The following PRIMA1 variants were observed in gnomAD, a reference collection of about 807,000 sequenced individuals.
PRIMA1 encodes proline rich membrane anchor 1.
In PRIMA1, 7 loss-of-function variants were observed where a neutral mutation model predicts 17.5. The observed-to-expected ratio is 0.40, with a 90% CI of 0.23 to 0.75. The LOEUF (loss-of-function observed/expected upper bound fraction) is 0.75, where lower values mean the gene tolerates loss of function less well. PRIMA1 is among the 30% of genes least tolerant of loss of function. The pLI, the probability that PRIMA1 is intolerant of heterozygous loss-of-function variation, is 0.37. For synonymous variants in PRIMA1, 97 were observed against 77.9 expected (o/e 1.25, Z -1.29); for missense variants, 200 against 201.8 (o/e 0.99, Z 0.05).
rs79799003 is a variant in PRIMA1 at position 93,731,107 on chromosome 14, A to T, written c.359+6134T>A. Reference sequence around the variant, plus strand: ...AGGAAAGGAAACAGCATAGTACGCTATGTGGCTCAGCTATGCACAATATGT... The same window carrying T: ...AGGAAAGGAAACAGCATAGTACGCTTTGTGGCTCAGCTATGCACAATATGT... On this transcript the variant is annotated intron_variant, in intron 4 of 4. Coordinates refer to ENST00000393140, the MANE Select transcript of PRIMA1 (RefSeq NM_178013.4). Among the ~76,000 whole-genome samples the T allele has an allele frequency of 4.2e-3, 614 of 146,980 alleles. 2 individuals are homozygous for T. The highest frequency in any genetic ancestry group is 7.2e-3 in the Non-Finnish European group (476 of 65,818).
At chr14:93,735,318 G>T (rs2141159474) in intron 4 of PRIMA1, among the ~76,000 whole-genome samples, 1 of 152,336 alleles carries the variant, frequency 6.6e-6, no homozygotes, top group African/African-American at 2.4e-5. Context: ...TCCCCAGTCA[G>T]GCTCACGGCT....
intron 4 of PRIMA1, among the ~76,000 whole-genome samples, chr14:93,724,559 C>T (rs749007847): frequency 1.3e-5 from 2 of 152,166 alleles, no homozygotes; most frequent in Non-Finnish European, 2.9e-5. Flanking sequence ...CTTCTGACTC[C>T]ATGAAATCTG....
chr14:93,782,718 C>A (rs1049899834), intron 2 of PRIMA1, among the ~76,000 whole-genome samples: 1 of 152,248 alleles, frequency 6.6e-6, no homozygotes, highest in African/African-American at 2.4e-5. Context: ...ACTGTTCTCA[C>A]AAAAGGATCA....
At chr14:93,724,955 G>A (rs897056816) in intron 4 of PRIMA1, among the ~76,000 whole-genome samples, 4 of 152,160 alleles carry the variant, frequency 2.6e-5, no homozygotes, top group Non-Finnish European at 5.9e-5. Flanking sequence ...AGGTGAGGCG[G>A]TCAGTAGGAT....
At chr14:93,737,679 C>A (rs2076159833) in intron 3 of PRIMA1, among the ~76,000 whole-genome samples, 1 of 152,234 alleles carries the variant, frequency 6.6e-6, no homozygotes, top group Non-Finnish European at 1.5e-5. Context: ...CATCCATCAC[C>A]TGGCTGAAGG....
intron 3 of PRIMA1, among the ~76,000 whole-genome samples, chr14:93,747,938 AGTGTGT>A (rs34019999): frequency 4.1e-5 from 6 of 144,658 alleles, no homozygotes; most frequent in Non-Finnish European, 9.0e-5. Flanking sequence ...TGATTATGTG[AGTGTGT>A]GTGTATGAGT....
At chr14:93,767,541 C>A (rs933608236) in intron 3 of PRIMA1, among the ~76,000 whole-genome samples, 1 of 152,202 alleles carries the variant, frequency 6.6e-6, no homozygotes, top group African/African-American at 2.4e-5. Flanking sequence ...AGGTGAATGT[C>A]AACTCACTGT....
chr14:93,752,300 A>C (rs2076264506), intron 3 of PRIMA1, among the ~76,000 whole-genome samples: 1 of 152,174 alleles, frequency 6.6e-6, no homozygotes, highest in South Asian at 2.1e-4. Context: ...AAGCAAAGTC[A>C]CAGAGCTGCG....
At chr14:93,783,975 T>C (rs1280640773) in intron 2 of PRIMA1, among the ~76,000 whole-genome samples, 3 of 151,636 alleles carry the variant, frequency 2.0e-5, no homozygotes, top group Admixed American at 2.0e-4. Flanking sequence ...CCAGCAGACG[T>C]TGCCTCCTAA....
chr14:93,725,267 C>T (rs895805266), intron 4 of PRIMA1, among the ~76,000 whole-genome samples: 50 of 150,510 alleles, frequency 3.3e-4, no homozygotes, highest in African/African-American at 1.1e-3. Context: ...GGAGCCCGCG[C>T]GTGGTGATGG....
intron 3 of PRIMA1, among the ~76,000 whole-genome samples, chr14:93,748,881 G>A (rs1163558527): frequency 4.6e-5 from 7 of 151,998 alleles, no homozygotes; most frequent in South Asian, 4.2e-4. Context: ...ATTATGAATC[G>A]GGCTTATGTC....
intron 3 of PRIMA1, among the ~76,000 whole-genome samples, chr14:93,776,845 T>C (rs1459657193): frequency 6.6e-6 from 1 of 152,250 alleles, no homozygotes; most frequent in Non-Finnish European, 1.5e-5. Flanking sequence ...CACATCTCTC[T>C]ACCGCTTACT....
intron 3 of PRIMA1, among the ~76,000 whole-genome samples, chr14:93,778,304 A>G (rs1885280492): frequency 6.6e-6 from 1 of 152,220 alleles, no homozygotes; most frequent in Non-Finnish European, 1.5e-5. Context: ...GGATGGAGAT[A>G]TATAGAGGCC....
intron 3 of PRIMA1, among the ~76,000 whole-genome samples, chr14:93,742,507 A>C (rs1483213828): frequency 5.3e-5 from 8 of 152,190 alleles, no homozygotes; most frequent in Non-Finnish European, 1.0e-4. Flanking sequence ...TTTGCAGAAG[A>C]AGCAGGTGGG....
intron 2 of PRIMA1, among the ~76,000 whole-genome samples, chr14:93,787,046 T>C (rs8018864): frequency 0.44 from 66,290 of 151,834 alleles, 14,897 homozygotes; most frequent in Middle Eastern, 0.54. Context: ...GACCACCCCA[T>C]TGAAACCCCT....
chr14:93,725,058 C>T (rs563965968), intron 4 of PRIMA1, among the ~76,000 whole-genome samples: 11 of 152,168 alleles, frequency 7.2e-5, no homozygotes, highest in Middle Eastern at 3.4e-3. Context: ...AGAGGTGGCT[C>T]GGAAGAGCTA....
chr14:93,733,797 C>T (rs1207420117), intron 4 of PRIMA1, among the ~76,000 whole-genome samples: 5 of 152,190 alleles, frequency 3.3e-5, no homozygotes, highest in Admixed American at 6.5e-5. Flanking sequence ...AACAATTGGC[C>T]GTGAGCAAGA....
intron 3 of PRIMA1, among the ~76,000 whole-genome samples, chr14:93,741,450 A>G (rs1339519799): frequency 6.6e-6 from 1 of 152,176 alleles, no homozygotes; most frequent in Non-Finnish European, 1.5e-5. Flanking sequence ...GATGGTTCAT[A>G]TTTGAGAAGA....
chr14:93,755,555 G>A (rs1336800331), intron 3 of PRIMA1, among the ~76,000 whole-genome samples: 1 of 152,192 alleles, frequency 6.6e-6, no homozygotes, highest in African/African-American at 2.4e-5. Context: ...CACTTAGTGT[G>A]AATGGCTACA....
Sources: allele counts gnomAD v4.1 joint callset (sites outside exome capture counted in the v4.1 genomes callset), GRCh38; gene constraint gnomAD v4.1.1; transcripts MANE v1.5; gene names NCBI Gene and HGNC (gene_info 2026-07-23, HGNC 2026-07-21).